The following ITGB5 variants were observed in gnomAD, a reference collection of about 807,000 sequenced individuals.
ITGB5 encodes the protein integrin beta-5.
In ITGB5, 38 loss-of-function variants were observed where a neutral mutation model predicts 84.8. The observed-to-expected ratio is 0.45, with a 90% CI of 0.35 to 0.59. The LOEUF (loss-of-function observed/expected upper bound fraction) is 0.59. Ranked by LOEUF, ITGB5 falls within the 20% of genes least tolerant of loss-of-function variation. ITGB5 has a pLI of 0.01. For missense variants in ITGB5, 905 were observed against 1,034.5 expected, an observed-to-expected ratio of 0.87 and a Z score of 1.72; for synonymous variants, 393 against 414.4, an observed-to-expected ratio of 0.95 and a Z score of 0.63.
Position 124,796,374 on chromosome 3 carries a change from C to G in ITGB5, c.1693+14G>C. 1 of 1,589,476 alleles carries G rather than the reference C, an allele frequency of 6.3e-7. No individual in the cohort carries two copies. The highest frequency in any genetic ancestry group is 1.1e-5 in the South Asian group (1 of 87,178). On this transcript the variant is annotated intron_variant, in intron 10 of 14. Coordinates refer to ENST00000296181, the MANE Select transcript of ITGB5 (RefSeq NM_002213.5). Reference sequence around the variant, plus strand: ...GCCTGGCTCAGAGCTAAAGTGCTTGCTGGGGACACTTACCTGAGCAGAGGA... The same window carrying G: ...GCCTGGCTCAGAGCTAAAGTGCTTGGTGGGGACACTTACCTGAGCAGAGGA...
intron 9 of ITGB5, among the ~76,000 whole-genome samples, chr3:124,801,232 A>C (rs2064311472): frequency 6.6e-6 from 1 of 152,184 alleles, no homozygotes; most frequent in South Asian, 2.1e-4. Flanking sequence ...AGCCACTTGC[A>C]TACTGATTTG....
upstream of ITGB5, among the ~76,000 whole-genome samples, chr3:124,890,545 C>T (rs1019181316): frequency 1.3e-5 from 2 of 152,132 alleles, no homozygotes; most frequent in Admixed American, 1.3e-4. Flanking sequence ...GGATCTTCTG[C>T]GTGTCACCTT....
chr3:124,792,550 T>C (rs1010899615), intron 10 of ITGB5: 2 of 152,244 alleles, frequency 1.3e-5, no homozygotes, highest in Non-Finnish European at 2.9e-5. Flanking sequence ...CAGCACCAAC[T>C]GGCCACACAT....
At chr3:124,766,059 CAAA>C (rs376914121) in intron 13 of ITGB5, among the ~76,000 whole-genome samples, 164 bp downstream of exon 13, 117 of 104,424 alleles carry the variant, frequency 1.1e-3, no homozygotes, top group African/African-American at 2.6e-3. Flanking sequence ...CAGCCTGTGT[CAAA>C]AAAAAAAAAA....
intron 2 of ITGB5, among the ~76,000 whole-genome samples, chr3:124,871,464 G>T (rs1337467797): frequency 6.6e-6 from 1 of 152,126 alleles, no homozygotes; most frequent in Non-Finnish European, 1.5e-5. Flanking sequence ...AAAGTACTAG[G>T]ATTACAGGCG....
chr3:124,804,896 A>G (rs2064371145), intron 9 of ITGB5, among the ~76,000 whole-genome samples: 1 of 151,978 alleles, frequency 6.6e-6, no homozygotes, highest in African/African-American at 2.4e-5. Context: ...CGAACTCCTG[A>G]CCTCAGGTGA....
chr3:124,772,171 T>TAACC (rs1428608459), intron 11 of ITGB5, among the ~76,000 whole-genome samples: 2 of 152,216 alleles, frequency 1.3e-5, no homozygotes, highest in Non-Finnish European at 2.9e-5. Flanking sequence ...TCCAGGATCC[T>TAACC]AACCTTCCCC....
intron 8 of ITGB5, among the ~76,000 whole-genome samples, chr3:124,813,446 G>A (rs1164998271): frequency 5.3e-5 from 8 of 152,098 alleles, no homozygotes; most frequent in African/African-American, 1.9e-4. Context: ...CAGCCCACAA[G>A]ACTGCCCCCA....
chr3:124,898,956 T>C (rs1431464176), intron 1 of ITGB5, among the ~76,000 whole-genome samples: 1 of 151,748 alleles, frequency 6.6e-6, no homozygotes, highest in Non-Finnish European at 1.5e-5. Context: ...ATGCCTGTAA[T>C]CCCAGCTACT....
At chr3:124,861,771 A>C (rs1442973136) in intron 2 of ITGB5, among the ~76,000 whole-genome samples, 2 of 152,200 alleles carry the variant, frequency 1.3e-5, no homozygotes, top group Non-Finnish European at 2.9e-5. Context: ...CATGTTGGCC[A>C]GGATGGCCTC....
At chr3:124,829,815 A>G (rs2064834448) in intron 5 of ITGB5, among the ~76,000 whole-genome samples, 1 of 152,098 alleles carries the variant, frequency 6.6e-6, no homozygotes, top group Admixed American at 6.5e-5. Context: ...ACTAATAACA[A>G]GCCTTCTCTT....
intron 9 of ITGB5, among the ~76,000 whole-genome samples, chr3:124,798,844 G>A (rs2064273708): frequency 6.6e-6 from 1 of 152,206 alleles, no homozygotes; most frequent in Admixed American, 6.5e-5. Context: ...GACATCTAGG[G>A]ACACGGGGAG....
At chr3:124,857,165 A>G (rs2065231862) in intron 3 of ITGB5, 1 of 152,220 alleles carries the variant, frequency 6.6e-6, no homozygotes, top group Non-Finnish European at 1.5e-5. Context: ...GCTTTCTTTA[A>G]AAACTCTTGG....
intron 5 of ITGB5, among the ~76,000 whole-genome samples, chr3:124,836,523 T>C (rs1402940936): frequency 6.6e-6 from 1 of 152,202 alleles, no homozygotes; most frequent in African/African-American, 2.4e-5. Flanking sequence ...GCATTATTGT[T>C]ACTTCCCAGA....
chr3:124,801,118 A>G (rs2064308773), intron 9 of ITGB5, among the ~76,000 whole-genome samples: 1 of 152,212 alleles, frequency 6.6e-6, no homozygotes, highest in Non-Finnish European at 1.5e-5. Flanking sequence ...CACAGGCTAC[A>G]GAGTCCCGAG....
At chr3:124,835,187 AG>A (rs2064916905) in intron 5 of ITGB5, among the ~76,000 whole-genome samples, 1 of 149,730 alleles carries the variant, frequency 6.7e-6, no homozygotes, top group Non-Finnish European at 1.5e-5. Flanking sequence ...CACGATACTG[AG>A]TTATGACTCA....
intron 10 of ITGB5, among the ~76,000 whole-genome samples, chr3:124,778,236 T>C (rs542616602): frequency 1.3e-5 from 2 of 152,376 alleles, no homozygotes; most frequent in South Asian, 4.1e-4. Flanking sequence ...TTGTTATTAT[T>C]AGTACCTTTG....
chr3:124,808,092 CGA>C (rs2064438365), intron 9 of ITGB5, among the ~76,000 whole-genome samples: 1 of 151,772 alleles, frequency 6.6e-6, no homozygotes, highest in Non-Finnish European at 1.5e-5. Flanking sequence ...CTACCAGCCA[CGA>C]GACTGTCCCT....
At chr3:124,864,041 G>A (rs370634923) in intron 2 of ITGB5, among the ~76,000 whole-genome samples, 12,243 of 87,338 alleles carry the variant, frequency 0.14, 724 homozygotes, top group South Asian at 0.22. Flanking sequence ...AGAAAGAAAA[G>A]AAAAAAGAAA....
Sources: allele counts gnomAD v4.1 joint callset (sites outside exome capture counted in the v4.1 genomes callset), GRCh38; gene constraint gnomAD v4.1.1; transcripts MANE v1.5; gene names NCBI Gene and HGNC (gene_info 2026-07-23, HGNC 2026-07-21).